ATP2C2: variants seen among roughly 807,000 people sequenced by gnomAD.
The protein encoded by ATP2C2 is calcium-transporting ATPase type 2C member 2.
Under a neutral mutation model 110.8 loss-of-function variants are expected in ATP2C2, and 171 were observed. The observed-to-expected ratio is 1.54, with a 90% CI of 1.36 to 1.75. The LOEUF is 1.75. Among genes scored for constraint, ATP2C2 ranks in the 40% most tolerant of loss-of-function variants. ATP2C2 has a pLI of 0.00. For synonymous variants in ATP2C2, 804 were observed against 508.4 expected (o/e 1.58, Z -7.82); for missense variants, 1,963 against 1,235.0 (o/e 1.59, Z -8.84).
chr16:84,447,709 ATATT>A (rs1418783481), intron 16 of ATP2C2, among the ~76,000 whole-genome samples: 1 of 142,160 alleles, frequency 7.0e-6, no homozygotes, highest in Non-Finnish European at 1.6e-5. Context: ...TATGTAATAT[ATATT>A]ATAATTGTAT....
intron 21 of ATP2C2, among the ~76,000 whole-genome samples, chr16:84,458,618 T>A (rs1035972237): frequency 6.6e-6 from 1 of 152,218 alleles, no homozygotes; most frequent in Non-Finnish European, 1.5e-5. Context: ...TCTACATTAG[T>A]GACCCCAGGT....
intron 1 of ATP2C2, among the ~76,000 whole-genome samples, chr16:84,398,194 G>C (rs551977245): frequency 6.7e-6 from 1 of 150,010 alleles, no homozygotes; most frequent in Non-Finnish European, 1.5e-5. Context: ...CTGAGGTCAG[G>C]AGTTTGAGAC....
At chr16:84,439,378 G>A (rs748045886) in intron 12 of ATP2C2, 49 bp from the exon 13 acceptor site, 5 of 1,605,482 alleles carry the variant, frequency 3.1e-6, no homozygotes, top group Middle Eastern at 3.3e-4. Flanking sequence ...GGTTTCACAA[G>A]CCTGAGGATG....
rs1041375142 is a variant in ATP2C2 at position 84,462,278 on chromosome 16, C to T, written c.2722+149C>T. 7 of 1,044,814 alleles carry T rather than the reference C, an allele frequency of 6.7e-6. No individual in the cohort carries two copies. The African/African-American group carries it at 9.6e-5, about 14-fold the overall frequency. 64.7% of individuals were successfully genotyped at this position (1,044,814 alleles called of 1,614,324 possible). On this transcript the variant is annotated intron_variant, in intron 26 of 26. Transcript: ENST00000262429. ...GCTCTGTCTTCAGGGCCCTTCTGTC[C>T]TCACAGGAAGGGACTCTAACGTGGG...
intron 23 of ATP2C2, 48 bp from the exon 24 acceptor site, chr16:84,460,606 A>G: frequency 6.2e-7 from 1 of 1,613,244 alleles, no homozygotes; most frequent in South Asian, 1.1e-5. Context: ...AGGGTCCTTT[A>G]TTTCATTCCT....
intron 6 of ATP2C2, 149 bp from the exon 7 acceptor site, chr16:84,415,334 A>G (rs926239531): frequency 7.3e-5 from 49 of 673,722 alleles, no homozygotes; most frequent in Non-Finnish European, 1.2e-4. Flanking sequence ...AGGATATGTT[A>G]ATTTCAAAAT....
At chr16:84,418,220 A>G (rs1907007757) in intron 7 of ATP2C2, among the ~76,000 whole-genome samples, 1 of 152,182 alleles carries the variant, frequency 6.6e-6, no homozygotes, top group Admixed American at 6.5e-5. Flanking sequence ...TGTGGGAGAT[A>G]GGAGGTGAGC....
At chr16:84,423,738 T>G (rs190641592) in intron 10 of ATP2C2, among the ~76,000 whole-genome samples, 11 of 152,340 alleles carry the variant, frequency 7.2e-5, no homozygotes, top group South Asian at 2.1e-4. Flanking sequence ...TTTGACCATC[T>G]TTTATTGGCC....
chr16:84,422,629 G>A lies in ATP2C2; in HGVS notation c.775G>A (p.Gly259Arg), dbSNP rs762952766. 1.1e-5 allele frequency: 17 copies of A among 1,612,962 alleles called. No homozygotes were observed. Among genetic ancestry groups the A allele is most frequent in the African/African-American group, 1.3e-5 (1 of 74,814 alleles). Residue 259 changes from glycine to arginine, a missense_variant and splice_region_variant, in exon 9 of 27, where the codon GGG becomes AGG. Coordinates refer to ENST00000262429, the MANE Select transcript of ATP2C2 (RefSeq NM_014861.4). ...ATACTTCTCTCTCTCCTGGACACAGGGGGTCGTGATTGGAACAGGGGAAAG... is the reference window on the plus strand; with the variant it reads ...ATACTTCTCTCTCTCCTGGACACAGAGGGTCGTGATTGGAACAGGGGAAAG... ...GTLVQYGRGQ[G>R]VVIGTGESSQ...
In ATP2C2 at chr16:84,450,441, C is replaced by T. The variant is rs77691123; in HGVS notation, c.1661-1480C>T. On this transcript the variant is annotated intron_variant, in intron 17 of 26. Coordinates refer to ENST00000262429, the MANE Select transcript of ATP2C2 (RefSeq NM_014861.4). ...ATGCATCCAGGGGAAGATGAAAAACCCCACGGAGAGGGAAGGAGAGTTGGG... is the reference window on the plus strand; with the variant it reads ...ATGCATCCAGGGGAAGATGAAAAACTCCACGGAGAGGGAAGGAGAGTTGGG... Among the ~76,000 whole-genome samples the T allele has an allele frequency of 1.6e-3, 251 of 152,172 alleles. 1 individual carries two copies. The highest frequency in any genetic ancestry group is 5.2e-3 in the African/African-American group (216 of 41,488).
chr16:84,397,105 G>T (rs1206650957), intron 1 of ATP2C2, among the ~76,000 whole-genome samples: 1 of 151,768 alleles, frequency 6.6e-6, no homozygotes, highest in African/African-American at 2.4e-5. Context: ...CACATCCTGG[G>T]TATCAGGATG....
chr16:84,463,670 A>T lies in ATP2C2; in HGVS notation c.2779A>T (p.Lys927Ter), dbSNP rs1330695010. The change falls in exon 27 of 27, where the codon AAA becomes TAA. Residue 927 changes from lysine (K) to a stop codon, truncating the protein, a stop_gained. Transcript: ENST00000262429. LOFTEE classifies it low-confidence loss of function (END_TRUNC). Reference protein sequence around the residue: ...SSVFILSELLKLCEKYCCSPK... With the variant: ...SSVFILSELL ...CGTCTTCATTTTGTCAGAGCTCCTC[A>T]AACTATGTGAAAAATACTGTTGCAG... 1.2e-6 allele frequency: 2 copies of T among 1,614,064 alleles called. No homozygotes were observed. The highest frequency in any genetic ancestry group is 2.7e-5 in the African/African-American group (2 of 74,926).
intron 6 of ATP2C2, among the ~76,000 whole-genome samples, chr16:84,413,027 G>T (rs1347746652): frequency 6.6e-6 from 1 of 151,608 alleles, no homozygotes. Flanking sequence ...TGAACCCAGA[G>T]ATGGAGGTTG....
chr16:84,399,231 C>T (rs1247150224), intron 2 of ATP2C2, among the ~76,000 whole-genome samples: 1 of 152,222 alleles, frequency 6.6e-6, no homozygotes, highest in Non-Finnish European at 1.5e-5. Flanking sequence ...AGGGCACATA[C>T]TACAATTTCA....
At chr16:84,442,798 C>T (rs571666018) in intron 15 of ATP2C2, among the ~76,000 whole-genome samples, 199 bp downstream of exon 15, 2 of 152,134 alleles carry the variant, frequency 1.3e-5, no homozygotes, top group African/African-American at 2.4e-5. Flanking sequence ...TCAGCAAGTT[C>T]TGCAGGTCTC....
At position 84,453,351 on chromosome 16, in the gene ATP2C2, C is replaced by T. The variant is rs774251070; in HGVS notation, c.1960C>T (p.His654Tyr). The change falls in exon 20 of 27, where the codon CAC (histidine) becomes TAC (tyrosine). Residue 654 changes from histidine (H) to tyrosine (Y), a missense_variant. His to Tyr is a moderately conservative substitution (Grantham distance 83, BLOSUM62 2). Coordinates refer to ENST00000262429, the MANE Select transcript of ATP2C2 (RefSeq NM_014861.4). ...CGTGTTCTTCAGGACCAGCCCAAAG[C>T]ACAAGCTCAAAATCATCAAGGTTCG... ...VSVFFRTSPK[H>Y]KLKIIKALQE... is the part of the protein sequence containing the mutation. 9.9e-6 allele frequency: 16 copies of T among 1,614,076 alleles called. No individual in the cohort carries two copies. The East Asian group carries it at 2.7e-4, about 27-fold the overall frequency.
chr16:84,431,586 C>G (rs1908282946), intron 11 of ATP2C2, among the ~76,000 whole-genome samples: 2 of 151,122 alleles, frequency 1.3e-5, no homozygotes, highest in Non-Finnish European at 2.9e-5. Context: ...AGGAGATGAG[C>G]AGGAAGGGTG....
rs768610905 is a variant in ATP2C2 at position 84,415,517 on chromosome 16, C to T, written c.550C>T (p.Arg184Ter). The T allele has an allele frequency of 7.4e-6, 12 of 1,614,030 alleles. No individual in the cohort carries two copies. The highest frequency in any genetic ancestry group is 6.7e-5 in the Admixed American group (4 of 60,008). The change falls in exon 7 of 27, where the codon CGA becomes TGA. Residue 184 changes from arginine (R) to a stop codon, truncating the protein, a stop_gained. Coordinates refer to ENST00000262429, the MANE Select transcript of ATP2C2 (RefSeq NM_014861.4). LOFTEE classifies it high-confidence loss of function. ...REGKLQHLLA[R>*]ELVPGDVVSL... Reference sequence around the variant, plus strand: ...AGGAAAACTCCAGCACCTGCTTGCTCGAGAACTGGTTCCTGGTGATGTCGT... The same window carrying T: ...AGGAAAACTCCAGCACCTGCTTGCTTGAGAACTGGTTCCTGGTGATGTCGT...
chr16:84,437,425 A>G (rs2564095), intron 11 of ATP2C2, among the ~76,000 whole-genome samples: 125,499 of 151,994 alleles, frequency 0.83, 51,944 homozygotes, highest in East Asian at 0.95. Flanking sequence ...TGCCCAGGCT[A>G]GTCTTGAACT....
Sources: allele counts gnomAD v4.1 joint callset (sites outside exome capture counted in the v4.1 genomes callset), GRCh38; gene constraint gnomAD v4.1.1; transcripts MANE v1.5; gene names NCBI Gene and HGNC (gene_info 2026-07-23, HGNC 2026-07-21).